EPB41: variants seen among roughly 807,000 people sequenced by gnomAD.
EPB41 encodes the protein erythrocyte membrane protein band 4.1, also known as protein 4.1.
In EPB41, 65 loss-of-function variants were observed where a neutral mutation model predicts 108.0. The ratio of observed to expected loss-of-function variants is 0.60; its 90% CI spans 0.49 to 0.74. The LOEUF is 0.74. EPB41 is among the 30% of genes least tolerant of loss of function. The probability of loss-of-function intolerance (pLI) is 0.00; values close to 1 mark genes in which losing one functional copy is unlikely to be tolerated. For missense variants in EPB41, 875 were observed against 1,037.0 expected (o/e 0.84, Z 2.15); for synonymous variants, 336 against 358.9 (o/e 0.94, Z 0.72).
At chr1:29,020,163 G>A (rs2096626314) in intron 7 of EPB41, among the ~76,000 whole-genome samples, 1 of 151,870 alleles carries the variant, frequency 6.6e-6, no homozygotes, top group South Asian at 2.1e-4. Flanking sequence ...CCACCTCCCG[G>A]GTTCAAGCAA....
chr1:29,097,873 C>A lies in EPB41; in HGVS notation c.2251C>A (p.Pro751Thr). 6.2e-7 allele frequency: 1 copy of A among 1,613,976 alleles called. No individual in the cohort carries two copies. The highest frequency in any genetic ancestry group is 1.1e-5 in the South Asian group (1 of 91,084). ...TGCCAATGCTGTGAAAAGTGAAATC[C>A]CAACCAAAGACGTCCCTATTGTCCA... ...DNANAVKSEIPTKDVPIVHTE... is the reference protein window; with the variant it reads ...DNANAVKSEITTKDVPIVHTE... The change falls in exon 17 of 21, where the codon CCA (proline) becomes ACA (threonine). Residue 751 changes from proline (P) to threonine (T), a missense_variant. Coordinates refer to ENST00000343067, the MANE Select transcript of EPB41 (RefSeq NM_001376013.1).
chr1:28,969,055 A>G (rs1029636383), intron 1 of EPB41, among the ~76,000 whole-genome samples: 14 of 146,996 alleles, frequency 9.5e-5, no homozygotes, highest in African/African-American at 3.5e-4. Flanking sequence ...ATATTCTTAT[A>G]GAATCTTTGG....
At chr1:28,944,952 A>T (rs1291075681) in intron 1 of EPB41, among the ~76,000 whole-genome samples, 2 of 151,768 alleles carry the variant, frequency 1.3e-5, no homozygotes, top group Non-Finnish European at 2.9e-5. Flanking sequence ...TTAGCCGAGC[A>T]TGGTGGTGTG....
intron 1 of EPB41, among the ~76,000 whole-genome samples, chr1:28,957,980 T>G (rs1247184481): frequency 6.6e-6 from 1 of 152,168 alleles, no homozygotes; most frequent in South Asian, 2.1e-4. Context: ...TTAATTTAAT[T>G]TATTATTATT....
chr1:29,053,493 A>C, intron 12 of EPB41, 181 bp downstream of exon 12: 2 of 715,880 alleles, frequency 2.8e-6, no homozygotes, highest in Non-Finnish European at 5.0e-6. Context: ...GAGTTATGTC[A>C]GTAAGACTGT....
intron 1 of EPB41, among the ~76,000 whole-genome samples, chr1:28,926,030 A>C (rs901835601): frequency 7.0e-6 from 1 of 143,146 alleles, no homozygotes; most frequent in Non-Finnish European, 1.5e-5. Flanking sequence ...CCTGGGCAAC[A>C]TAGAGAGACC....
chr1:28,930,481 G>A (rs1304599667), intron 1 of EPB41, among the ~76,000 whole-genome samples: 1 of 143,202 alleles, frequency 7.0e-6, no homozygotes, highest in Non-Finnish European at 1.5e-5. Flanking sequence ...AACTGTGTGT[G>A]TGTGTGTTTT....
At chr1:28,943,390 T>C (rs1445465833) in intron 1 of EPB41, among the ~76,000 whole-genome samples, 1 of 152,146 alleles carries the variant, frequency 6.6e-6, no homozygotes, top group Non-Finnish European at 1.5e-5. Flanking sequence ...CTGTGGCTCA[T>C]GCCTGTAATC....
chr1:28,990,658 A>G (rs1301546951), intron 2 of EPB41, among the ~76,000 whole-genome samples: 2 of 151,910 alleles, frequency 1.3e-5, no homozygotes, highest in African/African-American at 2.4e-5. Context: ...AACTCGAGCA[A>G]TCCTTCTGCC....
At chr1:29,061,654 A>C (rs1009705309) in intron 15 of EPB41, among the ~76,000 whole-genome samples, 1 of 126,928 alleles carries the variant, frequency 7.9e-6, no homozygotes, top group African/African-American at 3.1e-5. Context: ...ATCACTGCTT[A>C]CTGCACTCTC....
At position 29,109,184 on chromosome 1, in the gene EPB41, G is replaced by A. The variant is rs1282710992; in HGVS notation, c.2314-152G>A. On this transcript the variant is annotated intron_variant, in intron 17 of 20. Coordinates refer to ENST00000343067, the MANE Select transcript of EPB41 (RefSeq NM_001376013.1). ...CTGCATTCCAGCCTGGGCGACAAGA[G>A]TGAAACTCCGTCTCAAAAAAAAAAA... 8 of 681,328 alleles carry A rather than the reference G, an allele frequency of 1.2e-5. No individual in the cohort carries two copies. The African/African-American group carries it at 1.3e-4, about 11-fold the overall frequency. The allele number at this position is 681,328 out of a possible 1,614,324, so 42.2% of individuals were successfully genotyped here. A position where few individuals can be genotyped will look rare whatever the true frequency, so the allele number is the denominator to read the frequency against.
chr1:28,905,539 C>T (rs1368509595), intron 1 of EPB41, among the ~76,000 whole-genome samples: 1 of 151,806 alleles, frequency 6.6e-6, no homozygotes, highest in African/African-American at 2.4e-5. Context: ...GCTGTCTCTC[C>T]ACCATGTAAG....
intron 1 of EPB41, among the ~76,000 whole-genome samples, chr1:28,892,622 G>C (rs1422807915): frequency 6.6e-6 from 1 of 151,914 alleles, no homozygotes; most frequent in Non-Finnish European, 1.5e-5. Flanking sequence ...GGCTGAGACA[G>C]GAGAATCGCT....
chr1:29,023,142 C>G (rs912516164), intron 7 of EPB41, among the ~76,000 whole-genome samples: 58 of 151,518 alleles, frequency 3.8e-4, no homozygotes, highest in African/African-American at 1.4e-3. Context: ...TTACAAGTGC[C>G]TGCCACCACA....
rs1339150242 is a variant in EPB41, at chr1:29,116,835, A to G, written c.*23A>G. 2.6e-5 allele frequency: 4 copies of G among 152,052 alleles called. No homozygotes were observed. The highest frequency in any genetic ancestry group is 5.9e-5 in the Non-Finnish European group (4 of 68,006). 9.4% of individuals were successfully genotyped at this position (152,052 alleles called of 1,614,324 possible). ...TTTCTCTAGGAACTAACCTACCCCA[A>G]CTCTGCCCTTCTCCCATCCAAGAGA... On this transcript the variant is annotated 3_prime_UTR_variant, in exon 21 of 21. Transcript: ENST00000343067.
intron 15 of EPB41, 52 bp from the exon 16 acceptor site, chr1:29,064,930 G>A: frequency 6.2e-7 from 1 of 1,611,102 alleles, no homozygotes. Context: ...CCTTGATTAT[G>A]TTCTTTGTCC....
intron 12 of EPB41, among the ~76,000 whole-genome samples, chr1:29,056,111 G>A (rs905501091): frequency 3.3e-5 from 5 of 151,558 alleles, no homozygotes; most frequent in Admixed American, 2.6e-4. Flanking sequence ...GCAGGCGCGT[G>A]TAGTCTCAGC....
intron 4 of EPB41, among the ~76,000 whole-genome samples, chr1:29,008,447 T>C (rs759427221): frequency 3.3e-5 from 5 of 152,180 alleles, no homozygotes; most frequent in Non-Finnish European, 7.3e-5. Context: ...TATGAGAAAA[T>C]TGAGGCTCAG....
chr1:28,948,106 T>A (rs1446716082), intron 1 of EPB41, among the ~76,000 whole-genome samples: 1 of 152,126 alleles, frequency 6.6e-6, no homozygotes, highest in Non-Finnish European at 1.5e-5. Context: ...CTCAAATCAT[T>A]TGGGGATTTT....
Sources: gnomAD v4.1 joint callset for allele counts (sites outside exome capture counted in the v4.1 genomes callset) on GRCh38, gnomAD v4.1.1 for gene constraint, MANE v1.5 for transcripts, NCBI Gene and HGNC (gene_info 2026-07-23, HGNC 2026-07-21) for gene names.